MESD: variants seen among roughly 807,000 people sequenced by gnomAD.
The protein encoded by MESD is LRP chaperone MESD.
In MESD, 7 loss-of-function variants were observed where a neutral mutation model predicts 12.9. The observed-to-expected ratio is 0.54, with a 90% CI of 0.31 to 1.02. The LOEUF (loss-of-function observed/expected upper bound fraction) is 1.02, where lower values mean the gene tolerates loss of function less well. Among genes scored for constraint, MESD ranks in the 50% least tolerant of loss-of-function variants. The probability of loss-of-function intolerance (pLI) is 0.05; values close to 1 mark genes in which losing one functional copy is unlikely to be tolerated. For synonymous variants in MESD, 126 were observed against 115.6 expected (o/e 1.09, Z -0.58); for missense variants, 342 against 296.7 (o/e 1.15, Z -1.12).
chr15:80,986,950 T>C (rs1271848167), intron 1 of MESD, among the ~76,000 whole-genome samples: 2 of 152,250 alleles, frequency 1.3e-5, no homozygotes, highest in African/African-American at 2.4e-5. Flanking sequence ...CCCGGTTCCA[T>C]TTAATATACA....
chr15:80,965,658 A>T (rs150130989), intron 3 of MESD, among the ~76,000 whole-genome samples: 1 of 152,220 alleles, frequency 6.6e-6, no homozygotes, highest in Non-Finnish European at 1.5e-5. Flanking sequence ...TTGCAGGGAC[A>T]TGGATGAAGC....
chr15:80,958,755 C>T (rs1445037184), intron 3 of MESD, among the ~76,000 whole-genome samples: 3 of 152,226 alleles, frequency 2.0e-5, no homozygotes, highest in Non-Finnish European at 4.4e-5. Flanking sequence ...CAATTGCAGC[C>T]TGTCTTCAAT....
chr15:80,967,575 C>A (rs1212993399), intron 3 of MESD, among the ~76,000 whole-genome samples: 1 of 152,150 alleles, frequency 6.6e-6, no homozygotes, highest in Non-Finnish European at 1.5e-5. Context: ...AGGTAGGAGG[C>A]ATGGATCAAA....
At chr15:80,984,913 G>GCTTGAAGGTGATCCATAC (rs1382871484) in intron 1 of MESD, among the ~76,000 whole-genome samples, 5 of 152,320 alleles carry the variant, frequency 3.3e-5, no homozygotes, top group Admixed American at 2.6e-4. Context: ...TCTACGCAGT[G>GCTTGAAGGTGATCCATAC]CTTGAAGGTG....
chr15:80,953,177 G>A, intron 3 of MESD: 1 of 436,546 alleles, frequency 2.3e-6, no homozygotes, highest in Non-Finnish European at 4.6e-6. Context: ...AAGGTGGGTT[G>A]GGCCAAACAC....
downstream of MESD, among the ~76,000 whole-genome samples, chr15:80,971,531 C>T (rs1222335633): frequency 6.6e-6 from 1 of 152,232 alleles, no homozygotes; most frequent in African/African-American, 2.4e-5. Flanking sequence ...CTGATCCCCT[C>T]ACTCTGCTCC....
chr15:80,954,323 T>C (rs1202916609), intron 3 of MESD, among the ~76,000 whole-genome samples: 2 of 152,208 alleles, frequency 1.3e-5, no homozygotes, highest in Admixed American at 6.5e-5. Flanking sequence ...TGTTGGGTAA[T>C]GTGTGCTTGC....
At chr15:80,968,860 T>C (rs1902227644) in intron 3 of MESD, among the ~76,000 whole-genome samples, 1 of 152,004 alleles carries the variant, frequency 6.6e-6, no homozygotes, top group African/African-American at 2.4e-5. Flanking sequence ...GGCCACATAG[T>C]AAATGTTAAC....
chr15:80,952,158 C>T (rs867456553), exon 4 of MESD: 2 of 456,000 alleles, frequency 4.4e-6, no homozygotes, highest in Middle Eastern at 3.3e-4. Flanking sequence ...CCTCCCAGGC[C>T]CTGTTTGGCT....
At position 80,980,926 on chromosome 15, in the gene MESD, C is replaced by T. The variant is rs1031664929; in HGVS notation, c.446+1024G>A. Among the ~76,000 whole-genome samples the T allele has an allele frequency of 4.6e-5, 7 of 151,568 alleles. No homozygotes were observed. The East Asian group carries it at 7.9e-4, about 17-fold the overall frequency. On this transcript the variant is annotated intron_variant, in intron 2 of 2. Coordinates refer to ENST00000261758, the MANE Select transcript of MESD (RefSeq NM_015154.3). ...GCAACCTCTGCCTCCCAGGTTCAAG[C>T]GATTCTCCTGCCTCAGCCTCTGGAG...
intron 3 of MESD, among the ~76,000 whole-genome samples, chr15:80,953,579 G>A (rs1901898223): frequency 6.6e-6 from 1 of 152,220 alleles, no homozygotes; most frequent in African/African-American, 2.4e-5. Flanking sequence ...CACCAGCCTG[G>A]GAGGGGACAG....
In MESD at chr15:80,976,120, A is replaced by C. The variant is rs1902408204; in HGVS notation, c.*3099T>G. 1 of 152,346 alleles carries C rather than the reference A, an allele frequency of 6.6e-6. No homozygotes were observed. Among genetic ancestry groups the C allele is most frequent in the Non-Finnish European group, 1.5e-5 (1 of 68,202 alleles). 9.4% of individuals were successfully genotyped at this position (152,346 alleles called of 1,614,324 possible). ...TTCAAGCCATTCTCCTGCCTCAGCC[A>C]CCTGAGTAGCTGGGATTACAGGCCC... On this transcript the variant is annotated 3_prime_UTR_variant, in exon 3 of 3. Coordinates refer to ENST00000261758, the MANE Select transcript of MESD (RefSeq NM_015154.3).
intron 1 of MESD, among the ~76,000 whole-genome samples, chr15:80,982,645 A>T (rs965996387): frequency 6.6e-6 from 1 of 152,250 alleles, no homozygotes; most frequent in African/African-American, 2.4e-5. Context: ...ATCTAGGGTA[A>T]CAGAAATTAG....
intron 3 of MESD, among the ~76,000 whole-genome samples, chr15:80,963,531 G>T (rs543334930): frequency 1.3e-5 from 2 of 152,306 alleles, no homozygotes; most frequent in Non-Finnish European, 2.9e-5. Context: ...AACAAAAAAA[G>T]AGAATTTTAG....
chr15:80,979,071 C>T lies in MESD; in HGVS notation c.*148G>A, dbSNP rs754672056. On this transcript the variant is annotated 3_prime_UTR_variant, in exon 3 of 3. Transcript: ENST00000261758. ...AGCCTATTAAGCAGTAATTCTTTGACCACAAACTGGTCATGTGGCAGACCC... is the reference window on the plus strand; with the variant it reads ...AGCCTATTAAGCAGTAATTCTTTGATCACAAACTGGTCATGTGGCAGACCC... 8.2e-6 allele frequency: 9 copies of T among 1,099,994 alleles called. No homozygotes were observed. The highest frequency in any genetic ancestry group is 2.4e-5 in the East Asian group (1 of 41,914). 68.1% of individuals were successfully genotyped at this position (1,099,994 alleles called of 1,614,324 possible).
At position 80,984,208 on chromosome 15, in the gene MESD, T is replaced by C. The variant is rs184799061; in HGVS notation, c.214-2026A>G. Among the ~76,000 whole-genome samples, 308 of 152,174 alleles carry C rather than the reference T, an allele frequency of 2.0e-3. 1 individual carries two copies. The highest frequency in any genetic ancestry group is 0.016 in the Admixed American group (241 of 15,288). On this transcript the variant is annotated intron_variant, in intron 1 of 2. Coordinates refer to ENST00000261758, the MANE Select transcript of MESD (RefSeq NM_015154.3). ...GCCACCATGCCTAATAAATAGCATATAGACTGACAAATAAAAAATCTTTAA... is the reference window on the plus strand; with the variant it reads ...GCCACCATGCCTAATAAATAGCATACAGACTGACAAATAAAAAATCTTTAA...
intron 2 of MESD, among the ~76,000 whole-genome samples, chr15:80,980,271 C>T (rs1305281948): frequency 2.0e-5 from 3 of 152,182 alleles, no homozygotes; most frequent in Non-Finnish European, 2.9e-5. Context: ...TCTCTAAGTA[C>T]TCCTCCCATT....
chr15:80,958,199 C>A (rs1044005354), intron 3 of MESD, among the ~76,000 whole-genome samples: 3 of 152,146 alleles, frequency 2.0e-5, no homozygotes, highest in African/African-American at 7.2e-5. Context: ...CTCCCATTCG[C>A]CTACACACAC....
chr15:80,952,126 G>C lies in MESD; in HGVS notation c.*459C>G, dbSNP rs1018282260. 5.1e-5 allele frequency: 23 copies of C among 453,272 alleles called. No homozygotes were observed. In the Admixed American group the frequency reaches 5.4e-4, roughly 11 times the overall value. The allele number at this position is 453,272 out of a possible 1,614,324, so 28.1% of individuals were successfully genotyped here. A position where few individuals can be genotyped will look rare whatever the true frequency, so the allele number is the denominator to read the frequency against. ...ACTCCCCTCCCCGATGGGGAAGCCA[G>C]GCAGAAGCAGGACTCTCTTTTCCTC... On this transcript the variant is annotated 3_prime_UTR_variant, in exon 4 of 5. Coordinates refer to the MESD transcript ENST00000561312.
Sources: gnomAD v4.1 joint callset for allele counts (sites outside exome capture counted in the v4.1 genomes callset) on GRCh38, gnomAD v4.1.1 for gene constraint, MANE v1.5 for transcripts, NCBI Gene and HGNC (gene_info 2026-07-23, HGNC 2026-07-21) for gene names.